LARP4B: variants seen among roughly 807,000 people sequenced by gnomAD.
LARP4B encodes la-related protein 4B.
LARP4B carries 12 observed loss-of-function variants against 89.8 expected under a neutral mutation model. That is an observed-to-expected ratio of 0.13 (90% CI 0.09 to 0.22). The LOEUF (loss-of-function observed/expected upper bound fraction) is 0.22, where lower values mean the gene tolerates loss of function less well. LARP4B is among the 10% of genes least tolerant of loss of function. The pLI is 1.00. For synonymous variants in LARP4B, 367 were observed against 363.3 expected (o/e 1.01, Z -0.12); for missense variants, 757 against 947.7 (o/e 0.80, Z 2.64).
At chr10:879,470 A>G (rs2131909515) in intron 3 of LARP4B, among the ~76,000 whole-genome samples, 1 of 152,266 alleles carries the variant, frequency 6.6e-6, no homozygotes, top group East Asian at 1.9e-4. Flanking sequence ...AAACTGTATC[A>G]ACATCCTTAA....
At chr10:887,048 T>C (rs12778271) in intron 1 of LARP4B, among the ~76,000 whole-genome samples, 16,706 of 151,614 alleles carry the variant, frequency 0.11, 1,167 homozygotes, top group Non-Finnish European at 0.16. Flanking sequence ...GATAGTGCCA[T>C]TGCACTCCAG....
chr10:912,255 T>C (rs112223021), intron 1 of LARP4B, among the ~76,000 whole-genome samples: 1,535 of 145,810 alleles, frequency 0.011, 14 homozygotes, highest in Non-Finnish European at 0.017. Context: ...TAAAATACAC[T>C]AACACTAATG....
chr10:891,179 T>C (rs1227707872), intron 1 of LARP4B, among the ~76,000 whole-genome samples: 1 of 150,030 alleles, frequency 6.7e-6, no homozygotes. Flanking sequence ...CAACATGTGA[T>C]CATGACCCTA....
In LARP4B at chr10:836,408, C is replaced by T. The variant is rs1833221149; in HGVS notation, c.745G>A (p.Val249Met). The T allele has an allele frequency of 1.9e-6, 3 of 1,597,760 alleles. No individual in the cohort carries two copies. Among genetic ancestry groups the T allele is most frequent in the Non-Finnish European group, 1.7e-6 (2 of 1,167,522 alleles). The change falls in exon 8 of 18, where the codon GTG becomes ATG. Residue 249 changes from valine (V) to methionine (M), a missense_variant. Val to Met is a conservative substitution (Grantham distance 21, BLOSUM62 1). Around this residue, in one of 5 missense-constraint regions of LARP4B, gnomAD observed 137 missense variants for 213.9 expected, o/e 0.64. Coordinates refer to ENST00000316157, the MANE Select transcript of LARP4B (RefSeq NM_015155.3). ...ILREISESTP[V>M]EEVEALFKGD... ...TCAGAGGAGAAATTACTTACTTCCA[C>T]GGGGGTAGATTCAGATATTTCACGC...
At chr10:988,319 G>A in the LARP4B span, 1 of 636,846 alleles carries the variant, frequency 1.6e-6, no homozygotes, top group Non-Finnish European at 2.8e-6. Flanking sequence ...AGCCGGGCGG[G>A]TGCGCTGTGC....
intron 1 of LARP4B, among the ~76,000 whole-genome samples, chr10:926,419 A>C (rs1837133222): frequency 6.6e-6 from 1 of 152,220 alleles, no homozygotes; most frequent in Admixed American, 6.5e-5. Context: ...CAATGGCTAC[A>C]ACGTTTGCAA....
the LARP4B span, among the ~76,000 whole-genome samples, chr10:943,848 T>C: frequency 1.3e-5 from 2 of 151,830 alleles, no homozygotes; most frequent in East Asian, 1.9e-4. Context: ...TTCTTGGTGG[T>C]GTCCACGTAA....
At chr10:866,539 C>T (rs769024082) in intron 3 of LARP4B, among the ~76,000 whole-genome samples, 1 of 152,218 alleles carries the variant, frequency 6.6e-6, no homozygotes, top group Non-Finnish European at 1.5e-5. Context: ...GCAGCGTTTA[C>T]GCCGCTCCAC....
chr10:973,102 CAG>C, the LARP4B span: 13 of 360,184 alleles, frequency 3.6e-5, no homozygotes, highest in African/African-American at 2.8e-4. Context: ...GCCTTTCTTG[CAG>C]AGAGTAAAGG....
the LARP4B span, chr10:972,448 T>C: frequency 2.2e-6 from 1 of 448,898 alleles, no homozygotes; most frequent in African/African-American, 2.0e-5. Flanking sequence ...TCCTTATGTA[T>C]TACCCAGTCT....
At chr10:961,682 T>C in the LARP4B span, among the ~76,000 whole-genome samples, 1 of 152,154 alleles carries the variant, frequency 6.6e-6, no homozygotes. Context: ...GAGCTGCTTG[T>C]ACAGAGATGA....
At chr10:903,835 T>G (rs925348775) in intron 1 of LARP4B, among the ~76,000 whole-genome samples, 1 of 152,176 alleles carries the variant, frequency 6.6e-6, no homozygotes. Flanking sequence ...AGTAAACTCA[T>G]TTTTTAGAAT....
chr10:868,667 C>A (rs1835039257), intron 3 of LARP4B, among the ~76,000 whole-genome samples: 1 of 152,166 alleles, frequency 6.6e-6, no homozygotes. Flanking sequence ...TACTGTTTTG[C>A]CTCCACAACT....
intron 1 of LARP4B, among the ~76,000 whole-genome samples, chr10:900,764 T>C (rs1414748966): frequency 8.1e-5 from 11 of 136,092 alleles, no homozygotes; most frequent in Admixed American, 7.4e-4. Context: ...GGACTACAGG[T>C]GCACGCCACC....
chr10:867,653 G>A (rs1834973930), intron 3 of LARP4B, among the ~76,000 whole-genome samples: 1 of 152,066 alleles, frequency 6.6e-6, no homozygotes, highest in South Asian at 2.1e-4. Context: ...TTGTGGTCAG[G>A]AGTTCAAGTC....
chr10:930,659 A>G (rs1837273294), intron 1 of LARP4B, among the ~76,000 whole-genome samples: 1 of 152,122 alleles, frequency 6.6e-6, no homozygotes, highest in South Asian at 2.1e-4. Flanking sequence ...TCTGCCGCCC[A>G]TGTATCCCAG....
chr10:815,326 T>A lies in LARP4B; in HGVS notation c.1696-256A>T, dbSNP rs1831979524. On this transcript the variant is annotated intron_variant, in intron 15 of 17. Coordinates refer to ENST00000316157, the MANE Select transcript of LARP4B (RefSeq NM_015155.3). ...CTTATCTCCTCTCCCGCAATGATGA[T>A]CTACAAGCTTATTTCTTAACTGAAC... The A allele has an allele frequency of 1.3e-5, 4 of 310,060 alleles. No individual in the cohort carries two copies. The East Asian group carries it at 2.2e-4, about 17-fold the overall frequency. 19.2% of individuals were successfully genotyped at this position (310,060 alleles called of 1,614,324 possible).
chr10:972,334 T>G, the LARP4B span: 1 of 382,276 alleles, frequency 2.6e-6, no homozygotes, highest in South Asian at 2.0e-5. Context: ...AGCCTCTCTC[T>G]GTCTCTTGCA....
In LARP4B at chr10:829,663, A is replaced by T. The variant is rs757898918; in HGVS notation, c.915+18T>A. 7.4e-6 allele frequency: 12 copies of T among 1,612,036 alleles called. No homozygotes were observed. Among genetic ancestry groups the T allele is most frequent in the Non-Finnish European group, 1.0e-5 (12 of 1,178,142 alleles). Reference sequence around the variant, plus strand: ...TCAATTTGCAAATAAACAAAGTATAACCAATGGTCTTGCTTACCTTAATTG... The same window carrying T: ...TCAATTTGCAAATAAACAAAGTATATCCAATGGTCTTGCTTACCTTAATTG... On this transcript the variant is annotated intron_variant, in intron 10 of 17. Transcript: ENST00000316157.
Sources: gnomAD v4.1 joint callset for allele counts (sites outside exome capture counted in the v4.1 genomes callset) on GRCh38, gnomAD v4.1.1 for gene constraint, gnomAD v4.1.1 regional missense constraint, MANE v1.5 for transcripts, NCBI Gene and HGNC (gene_info 2026-07-23, HGNC 2026-07-21) for gene names.